The following FOXP1 variants were observed in gnomAD, a reference collection of about 807,000 sequenced individuals.
FOXP1 encodes the protein forkhead box protein P1.
In FOXP1, 15 loss-of-function variants were observed where a neutral mutation model predicts 98.2. That is an observed-to-expected ratio of 0.15 (90% CI 0.10 to 0.24). The LOEUF is 0.24. FOXP1 is among the 10% of genes least tolerant of loss of function. The pLI, the probability that FOXP1 is intolerant of heterozygous loss-of-function variation, is 1.00. For synonymous variants in FOXP1, 371 were observed against 314.5 expected, an observed-to-expected ratio of 1.18 and a Z score of -1.90; for missense variants, 633 against 848.5, an observed-to-expected ratio of 0.75 and a Z score of 3.15.
intron 4 of FOXP1, among the ~76,000 whole-genome samples, chr3:71,352,843 G>C (rs1212930648): frequency 6.6e-6 from 1 of 152,154 alleles, no homozygotes; most frequent in African/African-American, 2.4e-5. Flanking sequence ...TAAGCATGCA[G>C]AATATTGGTG....
rs187189092 is a variant in FOXP1 at position 71,009,744 on chromosome 3, C to T, written c.974+5805G>A. On this transcript the variant is annotated intron_variant, in intron 12 of 20. Coordinates refer to ENST00000649528, the MANE Select transcript of FOXP1 (RefSeq NM_001349338.3). Reference sequence around the variant, plus strand: ...GTTTATATGATGTACTTTTTATTTACTCATTCATTTATTTAATTTTTAGAG... The same window carrying T: ...GTTTATATGATGTACTTTTTATTTATTCATTCATTTATTTAATTTTTAGAG... Among the ~76,000 whole-genome samples the T allele has an allele frequency of 1.9e-3, 294 of 152,060 alleles. 1 individual carries two copies. Among genetic ancestry groups the T allele is most frequent in the African/African-American group, 6.6e-3 (273 of 41,472 alleles).
chr3:71,253,301 G>A (rs954628240), intron 5 of FOXP1, among the ~76,000 whole-genome samples: 8 of 152,128 alleles, frequency 5.3e-5, no homozygotes, highest in Non-Finnish European at 7.3e-5. Context: ...AGAACCATCC[G>A]GCAACTTGGC....
chr3:71,378,473 T>C, intron 3 of FOXP1, among the ~76,000 whole-genome samples: 1 of 152,140 alleles, frequency 6.6e-6, no homozygotes, highest in East Asian at 1.9e-4. Context: ...TTTCTCCCTG[T>C]CCCACTCTGT....
At chr3:71,412,022 G>A (rs181732372) in intron 3 of FOXP1, among the ~76,000 whole-genome samples, 23 of 152,302 alleles carry the variant, frequency 1.5e-4, no homozygotes, top group African/African-American at 3.6e-4. Flanking sequence ...TATTAAAAGC[G>A]CAAGTGCTTC....
At chr3:70,992,217 G>A (rs2040710833) in intron 13 of FOXP1, among the ~76,000 whole-genome samples, 4 of 152,164 alleles carry the variant, frequency 2.6e-5, no homozygotes, top group African/African-American at 9.6e-5. Flanking sequence ...AGTTAAGTGA[G>A]AGACACTACT....
intron 3 of FOXP1, among the ~76,000 whole-genome samples, chr3:71,441,595 A>G (rs1172074533): frequency 6.6e-6 from 1 of 152,240 alleles, no homozygotes; most frequent in African/African-American, 2.4e-5. Flanking sequence ...ACAGGGAACC[A>G]TTTGGAGAGG....
At chr3:71,413,672 T>C (rs2082976139) in intron 3 of FOXP1, among the ~76,000 whole-genome samples, 3 of 152,158 alleles carry the variant, frequency 2.0e-5, no homozygotes, top group Non-Finnish European at 4.4e-5. Context: ...TTGACACAGA[T>C]CACAGTAAGT....
rs1553836101 is a variant in FOXP1 at position 71,308,804 on chromosome 3, T to TGTGTGTGTGG, written c.-72-8925_-72-8924insCCACACACAC. Among the ~76,000 whole-genome samples the TGTGTGTGTGG allele has an allele frequency of 2.0e-4, 26 of 128,082 alleles. 1 individual carries two copies. Among genetic ancestry groups the TGTGTGTGTGG allele is most frequent in the African/African-American group, 6.9e-4 (25 of 36,136 alleles). 84.0% of individuals were successfully genotyped at this position (128,082 alleles called of 152,430 possible). ...GTGTGTGTGTGTGTGTGTGTGTGTG[T>TGTGTGTGTGG]GTGGGTGAGGGGGGACAGCTCCAAA... is the stretch of plus-strand genomic sequence containing the variant. On this transcript the variant is annotated intron_variant, in intron 4 of 20. Coordinates refer to ENST00000649528, the MANE Select transcript of FOXP1 (RefSeq NM_001349338.3).
chr3:71,069,038 T>G (rs1300694785), intron 7 of FOXP1, among the ~76,000 whole-genome samples: 1 of 152,214 alleles, frequency 6.6e-6, no homozygotes, highest in Non-Finnish European at 1.5e-5. Flanking sequence ...GCTAAGGCAG[T>G]TAGCTCCATA....
chr3:71,325,265 C>A (rs1046102263), intron 4 of FOXP1, among the ~76,000 whole-genome samples: 1 of 152,024 alleles, frequency 6.6e-6, no homozygotes, highest in East Asian at 1.9e-4. Context: ...GTTGGCCAGG[C>A]GGGTCTCGAA....
chr3:71,100,666 C>T (rs926985024), intron 7 of FOXP1, among the ~76,000 whole-genome samples: 1 of 152,194 alleles, frequency 6.6e-6, no homozygotes, highest in African/African-American at 2.4e-5. Flanking sequence ...GGTCTTCTCT[C>T]TAAACAGCAG....
At chr3:71,057,704 A>C (rs2050875228) in intron 7 of FOXP1, among the ~76,000 whole-genome samples, 1 of 152,122 alleles carries the variant, frequency 6.6e-6, no homozygotes, top group Admixed American at 6.5e-5. Flanking sequence ...AACACTCCTC[A>C]GTGGAGTTTC....
At position 71,439,669 on chromosome 3, in the gene FOXP1, C is replaced by T. The variant is rs147653288; in HGVS notation, c.-168+53757G>A. Among the ~76,000 whole-genome samples, 317 of 152,228 alleles carry T rather than the reference C, an allele frequency of 2.1e-3. 3 individuals carry two copies. The highest frequency in any genetic ancestry group is 1.9e-3 in the Non-Finnish European group (130 of 68,032). On this transcript the variant is annotated intron_variant, in intron 3 of 20. Transcript: ENST00000649528. ...CCTTTAAAAGGGAGAAGGGGCCAGG[C>T]GCAGCAGCTCAAGCCTGTAATCCCA...
At chr3:71,285,867 A>C (rs1038157973) in intron 5 of FOXP1, among the ~76,000 whole-genome samples, 1 of 152,166 alleles carries the variant, frequency 6.6e-6, no homozygotes, top group Non-Finnish European at 1.5e-5. Context: ...TCTTCAGTAA[A>C]TATAAGGAAT....
At chr3:71,118,131 C>T (rs1325007476) in intron 6 of FOXP1, among the ~76,000 whole-genome samples, 2 of 152,200 alleles carry the variant, frequency 1.3e-5, no homozygotes, top group Admixed American at 6.5e-5. Context: ...GCTCTCAGCA[C>T]TCAGAGCCAG....
chr3:71,501,294 T>C (rs1259290271), intron 2 of FOXP1, among the ~76,000 whole-genome samples: 2 of 125,146 alleles, frequency 1.6e-5, no homozygotes, highest in Admixed American at 7.7e-5. Context: ...AATGCTTTTC[T>C]TTTTTTTTTT....
At chr3:71,330,404 G>GA in intron 4 of FOXP1, among the ~76,000 whole-genome samples, 1 of 152,200 alleles carries the variant, frequency 6.6e-6, no homozygotes, top group South Asian at 2.1e-4. Context: ...CGTCATGTCA[G>GA]AAAAAAACAT....
intron 5 of FOXP1, among the ~76,000 whole-genome samples, chr3:71,279,842 G>A (rs533916651): frequency 6.6e-6 from 1 of 152,042 alleles, no homozygotes; most frequent in Non-Finnish European, 1.5e-5. Context: ...ATAGAATGCA[G>A]GCCAGGCGCG....
At chr3:71,465,747 G>A (rs766939267) in intron 3 of FOXP1, among the ~76,000 whole-genome samples, 12 of 152,140 alleles carry the variant, frequency 7.9e-5, no homozygotes, top group South Asian at 4.1e-4. Flanking sequence ...CCACAGACAC[G>A]TACCAGCCCA....
Sources: gnomAD v4.1 joint callset for allele counts (sites outside exome capture counted in the v4.1 genomes callset) on GRCh38, gnomAD v4.1.1 for gene constraint, MANE v1.5 for transcripts, NCBI Gene and HGNC (gene_info 2026-07-23, HGNC 2026-07-21) for gene names.